Variants in IRGM observed in about 807,000 individuals in gnomAD.
The protein encoded by IRGM is immunity-related GTPase family M protein.
For synonymous variants in IRGM, 98 were observed against 80.6 expected (o/e 1.22, Z -1.16); for missense variants, 288 against 219.9 (o/e 1.31, Z -1.96).
At chr5:150,881,566 T>C (rs1754445574) in intron 3 of IRGM, among the ~76,000 whole-genome samples, 1 of 152,022 alleles carries the variant, frequency 6.6e-6, no homozygotes, top group African/African-American at 2.4e-5. Context: ...GAGAACACAA[T>C]AGAATTCAAA....
intron 1 of IRGM, among the ~76,000 whole-genome samples, chr5:150,862,572 C>T (rs1028210332): frequency 6.6e-6 from 1 of 152,108 alleles, no homozygotes; most frequent in Non-Finnish European, 1.5e-5. Context: ...TTAAGAATTG[C>T]CATCTGATCT....
At chr5:150,857,780 G>A (rs1418918123) in intron 1 of IRGM, among the ~76,000 whole-genome samples, 1 of 152,060 alleles carries the variant, frequency 6.6e-6, no homozygotes, top group African/African-American at 2.4e-5. Flanking sequence ...GGGGTTGTTT[G>A]TTTTTTTCTT....
Position 150,896,053 on chromosome 5 carries a change from G to A in IRGM, c.*141-4536G>A, listed in dbSNP as rs557353484. 4 of 1,613,532 alleles carry A rather than the reference G, an allele frequency of 2.5e-6. No individual in the cohort carries two copies. The African/African-American group carries it at 4.0e-5, about 16-fold the overall frequency. On this transcript the variant is annotated intron_variant and NMD_transcript_variant, in intron 3 of 3. Coordinates refer to the IRGM transcript ENST00000520549. ...GTATGAGCTCTGTGGTGTATAATCA[G>A]CTGTGACTTCTGGGAAAAGGCCTTC...
At chr5:150,858,880 A>T (rs1754096195) in intron 1 of IRGM, among the ~76,000 whole-genome samples, 2 of 152,198 alleles carry the variant, frequency 1.3e-5, no homozygotes, top group Non-Finnish European at 2.9e-5. Context: ...AAACAGGGAT[A>T]ATTTGACTTC....
intron 3 of IRGM, chr5:150,896,267 A>C: frequency 6.2e-7 from 1 of 1,613,664 alleles, no homozygotes; most frequent in Non-Finnish European, 8.5e-7. Context: ...AACAATCATA[A>C]GGTTTCTCCC....
intron 1 of IRGM, among the ~76,000 whole-genome samples, chr5:150,853,915 T>C (rs965433966): frequency 6.6e-6 from 1 of 152,128 alleles, no homozygotes; most frequent in Non-Finnish European, 1.5e-5. Context: ...AACATCCATT[T>C]ACATTTAAAG....
At chr5:150,863,130 T>C (rs1754159900) in intron 1 of IRGM, among the ~76,000 whole-genome samples, 1 of 152,216 alleles carries the variant, frequency 6.6e-6, no homozygotes, top group African/African-American at 2.4e-5. Flanking sequence ...AATTTAGGGT[T>C]TGTGTCTGTC....
chr5:150,889,160 C>T (rs1366037001), intron 3 of IRGM, among the ~76,000 whole-genome samples: 1 of 151,526 alleles, frequency 6.6e-6, no homozygotes, highest in Non-Finnish European at 1.5e-5. Flanking sequence ...TTTTTACATA[C>T]ATGACCGTAT....
intron 3 of IRGM, among the ~76,000 whole-genome samples, chr5:150,882,433 A>G (rs547769173): frequency 6.6e-6 from 1 of 152,238 alleles, no homozygotes; most frequent in Admixed American, 6.5e-5. Flanking sequence ...GAGTGAATAA[A>G]TGATTTTTTT....
At chr5:150,872,758 G>T (rs921821722) in intron 1 of IRGM, among the ~76,000 whole-genome samples, 2 of 152,154 alleles carry the variant, frequency 1.3e-5, no homozygotes, top group Non-Finnish European at 2.9e-5. Context: ...GCCCACTGTG[G>T]GTGAGCTGGA....
intron 1 of IRGM, among the ~76,000 whole-genome samples, chr5:150,863,837 C>T (rs2113268125): frequency 6.6e-6 from 1 of 152,258 alleles, no homozygotes; most frequent in East Asian, 1.9e-4. Context: ...GACATGTAAT[C>T]AGTAAGCAGG....
intron 1 of IRGM, among the ~76,000 whole-genome samples, chr5:150,865,174 A>T (rs570301661): frequency 6.6e-6 from 1 of 152,242 alleles, no homozygotes; most frequent in Non-Finnish European, 1.5e-5. Flanking sequence ...CATTATTGAC[A>T]TATATTAGAA....
chr5:150,857,813 T>C (rs1222866427), intron 1 of IRGM, among the ~76,000 whole-genome samples: 2 of 152,230 alleles, frequency 1.3e-5, no homozygotes, highest in Non-Finnish European at 2.9e-5. Context: ...GAGTTGTAGA[T>C]TCTGGATCTT....
intron 3 of IRGM, chr5:150,900,463 C>G (rs1010381661): frequency 2.0e-5 from 3 of 152,124 alleles, no homozygotes; most frequent in Non-Finnish European, 2.9e-5. Context: ...TCCCCCCTCT[C>G]TGCTATAACA....
chr5:150,856,259 T>C (rs1050757652), intron 1 of IRGM, among the ~76,000 whole-genome samples: 18 of 151,928 alleles, frequency 1.2e-4, no homozygotes, highest in African/African-American at 4.1e-4. Context: ...GGTGAAACTC[T>C]GTCTCTACTA....
chr5:150,849,731 C>CA (rs1753946252), downstream of IRGM, among the ~76,000 whole-genome samples: 1 of 151,720 alleles, frequency 6.6e-6, no homozygotes, highest in African/African-American at 2.4e-5. Context: ...CTCAGCCTCC[C>CA]AAGTAGCTGA....
At chr5:150,866,393 T>C (rs1299483780) in intron 1 of IRGM, among the ~76,000 whole-genome samples, 2 of 152,196 alleles carry the variant, frequency 1.3e-5, no homozygotes, top group Non-Finnish European at 1.5e-5. Context: ...TAATTCCAGA[T>C]GGAATTAAAA....
chr5:150,857,887 C>G lies in IRGM; in HGVS notation c.158+9233C>G, dbSNP rs1754080746. ...CCATTTTGTAGGTTGCCTGTTCACT[C>G]TGATGGTAGTTTCTTTTGCTGTGCA... On this transcript the variant is annotated intron_variant and NMD_transcript_variant, in intron 1 of 3. Transcript: ENST00000520549. 2.6e-5 allele frequency among the ~76,000 whole-genome samples: 4 copies of G among 150,976 alleles called. No homozygotes were observed. The South Asian group carries it at 8.3e-4, about 31-fold the overall frequency.
In IRGM at chr5:150,896,679, T is replaced by C. The variant is rs142250497; in HGVS notation, c.*141-3910T>C. On this transcript the variant is annotated intron_variant and NMD_transcript_variant, in intron 3 of 3. Transcript: ENST00000520549. The stretch of plus-strand genomic sequence containing the variant: ...TTTTAAGTTCTTTTTAAAAGCATCA[T>C]ATTTATGGAATCTCTGTATTGATAT... The C allele has an allele frequency of 6.2e-6, 10 of 1,613,610 alleles. No homozygotes were observed. In the African/African-American group the frequency reaches 1.2e-4, roughly 19 times the overall value.
Sources: allele counts gnomAD v4.1 joint callset (sites outside exome capture counted in the v4.1 genomes callset), GRCh38; gene constraint gnomAD v4.1.1; transcripts MANE v1.5; gene names NCBI Gene and HGNC (gene_info 2026-07-23, HGNC 2026-07-21).